RBM47: variants seen among roughly 807,000 people sequenced by gnomAD.
RBM47 encodes the protein RNA binding motif protein 47, also known as RNA-binding protein 47.
Under a neutral mutation model 47.1 loss-of-function variants are expected in RBM47, and 21 were observed. That is an observed-to-expected ratio of 0.45 (90% confidence interval 0.32 to 0.64). The LOEUF (loss-of-function observed/expected upper bound fraction) is 0.64. Ranked by LOEUF, RBM47 falls within the 30% of genes least tolerant of loss-of-function variation. The pLI is 0.05. For synonymous variants in RBM47, 375 were observed against 361.7 expected (o/e 1.04, Z -0.42); for missense variants, 708 against 870.9 (o/e 0.81, Z 2.35).
At chr4:40,575,808 T>A (rs1441034237) in intron 1 of RBM47, among the ~76,000 whole-genome samples, 1 of 152,276 alleles carries the variant, frequency 6.6e-6, no homozygotes, top group South Asian at 2.1e-4. Flanking sequence ...TGGAATTTTC[T>A]CTCTTTTGAA....
intron 5 of RBM47, among the ~76,000 whole-genome samples, chr4:40,436,183 A>AC (rs11452586): frequency 0.061 from 6,885 of 112,948 alleles, 200 homozygotes; most frequent in Middle Eastern, 0.079. Context: ...AAAAAAAAAA[A>AC]AAACAAACAA....
At chr4:40,584,253 C>T (rs1450163049) in intron 1 of RBM47, among the ~76,000 whole-genome samples, 2 of 152,136 alleles carry the variant, frequency 1.3e-5, no homozygotes, top group African/African-American at 4.8e-5. Flanking sequence ...TATGAGCCAC[C>T]GTGCTGGGCT....
chr4:40,477,540 T>C (rs1719796104), intron 2 of RBM47, among the ~76,000 whole-genome samples: 1 of 152,206 alleles, frequency 6.6e-6, no homozygotes, highest in Non-Finnish European at 1.5e-5. Context: ...TAATTTAGTA[T>C]ATTATATAAG....
chr4:40,518,960 C>T (rs974902568), intron 2 of RBM47, among the ~76,000 whole-genome samples: 6 of 151,962 alleles, frequency 3.9e-5, no homozygotes, highest in Non-Finnish European at 5.9e-5. Context: ...TCTGGGAGTC[C>T]CAGGCAGGAG....
At chr4:40,581,728 G>GTGTGAGTGCGTC (rs899101830) in intron 1 of RBM47, among the ~76,000 whole-genome samples, 11 of 151,830 alleles carry the variant, frequency 7.2e-5, no homozygotes, top group African/African-American at 2.7e-4. Flanking sequence ...TTCAGGGTGT[G>GTGTGAGTGCGTC]TGTGAAGAGA....
upstream of RBM47, chr4:40,629,910 C>T (rs1738084576): frequency 6.6e-6 from 1 of 152,352 alleles, no homozygotes; most frequent in Admixed American, 6.5e-5. Context: ...GCCGCCCGCC[C>T]CCTGCCGAGG....
intron 4 of RBM47, 34 bp downstream of exon 4, chr4:40,437,736 TG>T (rs1712881802): frequency 1.9e-6 from 3 of 1,559,418 alleles, no homozygotes; most frequent in South Asian, 1.2e-5. Context: ...GCAACGTTCT[TG>T]GGGGCCCCAC....
At chr4:40,608,393 G>C (rs1735953033) in intron 1 of RBM47, among the ~76,000 whole-genome samples, 2 of 152,174 alleles carry the variant, frequency 1.3e-5, no homozygotes, top group African/African-American at 4.8e-5. Context: ...TCCAGTAAAT[G>C]CTCACTGATA....
intron 6 of RBM47, among the ~76,000 whole-genome samples, chr4:40,430,713 A>G (rs1409930648): frequency 1.3e-5 from 2 of 152,190 alleles, no homozygotes; most frequent in Non-Finnish European, 2.9e-5. Context: ...ATCATTGAGG[A>G]GCTGTGCAAA....
intron 2 of RBM47, among the ~76,000 whole-genome samples, chr4:40,535,827 G>A (rs1392232988): frequency 6.6e-6 from 1 of 151,926 alleles, no homozygotes; most frequent in Non-Finnish European, 1.5e-5. Context: ...CAAAGTGCTG[G>A]GATTACAGGC....
intron 1 of RBM47, among the ~76,000 whole-genome samples, chr4:40,586,172 C>T (rs542457416): frequency 6.6e-6 from 1 of 152,316 alleles, no homozygotes; most frequent in African/African-American, 2.4e-5. Context: ...CTTCACTCTC[C>T]TCTGCACTGT....
rs73147511 is a variant in RBM47 at position 40,516,785 on chromosome 4, G to C, written c.-155+27637C>G. Among the ~76,000 whole-genome samples, 1,180 of 152,260 alleles carry C rather than the reference G, an allele frequency of 7.7e-3. 16 individuals are homozygous for C. Among genetic ancestry groups the C allele is most frequent in the African/African-American group, 0.026 (1,100 of 41,538 alleles). On this transcript the variant is annotated intron_variant, in intron 2 of 6. Coordinates refer to ENST00000295971, the MANE Select transcript of RBM47 (RefSeq NM_001098634.2). Reference sequence around the variant, plus strand: ...TGACCTCCAAAAGCACCTCCTCTCAGAGCCGTAAGGCCCCACCTGGTCTAA... The same window carrying C: ...TGACCTCCAAAAGCACCTCCTCTCACAGCCGTAAGGCCCCACCTGGTCTAA...
chr4:40,491,462 C>T (rs1721859356), intron 2 of RBM47, among the ~76,000 whole-genome samples: 2 of 151,856 alleles, frequency 1.3e-5, no homozygotes, highest in African/African-American at 4.8e-5. Context: ...ATAAACACAG[C>T]AATAAAAGAA....
intron 3 of RBM47, among the ~76,000 whole-genome samples, chr4:40,464,974 G>T (rs1476782003): frequency 1.3e-5 from 2 of 151,016 alleles, no homozygotes; most frequent in South Asian, 2.1e-4. Context: ...GTTAATTCTG[G>T]TTATATTTGG....
At chr4:40,594,952 T>C (rs906009216) in intron 1 of RBM47, among the ~76,000 whole-genome samples, 3 of 152,220 alleles carry the variant, frequency 2.0e-5, no homozygotes, top group Non-Finnish European at 2.9e-5. Context: ...GTATTCTATC[T>C]TTTTTGGCAG....
chr4:40,440,237 T>G (rs897542035), intron 3 of RBM47, among the ~76,000 whole-genome samples: 2 of 152,242 alleles, frequency 1.3e-5, no homozygotes, highest in African/African-American at 4.8e-5. Context: ...CTAATTTTCC[T>G]ACCCAATGAT....
chr4:40,468,233 G>A (rs970138627), intron 2 of RBM47, among the ~76,000 whole-genome samples: 1 of 152,164 alleles, frequency 6.6e-6, no homozygotes. Context: ...GCTGCAGTGA[G>A]CTGAGATTGT....
intron 4 of RBM47, among the ~76,000 whole-genome samples, chr4:40,437,236 T>A (rs901956255): frequency 6.8e-5 from 10 of 147,752 alleles, no homozygotes; most frequent in Admixed American, 2.1e-4. Context: ...GATTTGCTGG[T>A]CCACCTTCCT....
At chr4:40,432,988 T>C (rs1239589389) in intron 5 of RBM47, 126 bp from the exon 6 acceptor site, 3 of 1,323,306 alleles carry the variant, frequency 2.3e-6, no homozygotes, top group Non-Finnish European at 3.0e-6. Flanking sequence ...TGAGACAGGG[T>C]CTCACTCTGT....
Sources: allele counts gnomAD v4.1 joint callset (sites outside exome capture counted in the v4.1 genomes callset), GRCh38; gene constraint gnomAD v4.1.1; transcripts MANE v1.5; gene names NCBI Gene and HGNC (gene_info 2026-07-23, HGNC 2026-07-21).